The following CIMIP2C variants were observed in gnomAD, a reference collection of about 807,000 sequenced individuals.
CIMIP2C encodes ciliary microtubule inner protein 2C.
chr2:26,577,392 C>A, the CIMIP2C span: 1 of 880,638 alleles, frequency 1.1e-6, no homozygotes. Flanking sequence ...TCCGGGACTC[C>A]TCCGGGGGCA....
At chr2:26,576,784 C>T in the CIMIP2C span, among the ~76,000 whole-genome samples, 1 of 152,232 alleles carries the variant, frequency 6.6e-6, no homozygotes, top group African/African-American at 2.4e-5. Flanking sequence ...TGTTCTTGTC[C>T]TGCTGTTCAG....
At chr2:26,577,703 C>A in the CIMIP2C span, 1 of 1,022,114 alleles carries the variant, frequency 9.8e-7, no homozygotes, top group Non-Finnish European at 1.5e-6. Flanking sequence ...GCCAGGCATG[C>A]ACAGCACACA....
the CIMIP2C span, among the ~76,000 whole-genome samples, chr2:26,568,876 C>T: frequency 2.0e-4 from 31 of 152,040 alleles, no homozygotes; most frequent in Non-Finnish European, 4.6e-4. Context: ...CAAAAATTAG[C>T]TGGGCATAGT....
At chr2:26,579,146 A>G in the CIMIP2C span, 1 of 830,036 alleles carries the variant, frequency 1.2e-6, no homozygotes, top group South Asian at 1.7e-5. Context: ...TCCCACCCCA[A>G]GTCCAGGGGG....
At chr2:26,563,729 A>G in the CIMIP2C span, among the ~76,000 whole-genome samples, 2 of 152,216 alleles carry the variant, frequency 1.3e-5, no homozygotes, top group Non-Finnish European at 2.9e-5. Context: ...AACATGAAGA[A>G]AAGTGTATTT....
the CIMIP2C span, among the ~76,000 whole-genome samples, chr2:26,570,980 C>T: frequency 1.3e-5 from 2 of 152,082 alleles, no homozygotes; most frequent in Non-Finnish European, 2.9e-5. Flanking sequence ...CATCAAGTCC[C>T]AGTTTCTGGC....
the CIMIP2C span, among the ~76,000 whole-genome samples, chr2:26,566,035 C>T: frequency 6.6e-6 from 1 of 152,208 alleles, no homozygotes; most frequent in Non-Finnish European, 1.5e-5. Context: ...TGAGATTGGC[C>T]TCAGTGAGGA....
the CIMIP2C span, chr2:26,577,395 C>A: frequency 3.3e-6 from 3 of 897,000 alleles, no homozygotes; most frequent in Non-Finnish European, 3.5e-6. Context: ...GGGACTCCTC[C>A]GGGGGCATTA....
chr2:26,574,984 G>A, the CIMIP2C span, among the ~76,000 whole-genome samples: 3 of 152,256 alleles, frequency 2.0e-5, no homozygotes, highest in African/African-American at 4.8e-5. Flanking sequence ...CATTGGCCGC[G>A]AGTCTGGCGC....
the CIMIP2C span, among the ~76,000 whole-genome samples, chr2:26,569,300 T>G: frequency 6.6e-6 from 1 of 152,148 alleles, no homozygotes; most frequent in South Asian, 2.1e-4. Flanking sequence ...GCAAATAGCC[T>G]CTTCAGCTGG....
chr2:26,562,658 G>A, the CIMIP2C span: 1 of 1,583,586 alleles, frequency 6.3e-7, no homozygotes, highest in Non-Finnish European at 8.6e-7. Context: ...GTTCAATGCC[G>A]CCTACGTGCC....
chr2:26,566,181 G>A, the CIMIP2C span, among the ~76,000 whole-genome samples: 4 of 152,202 alleles, frequency 2.6e-5, no homozygotes, highest in Admixed American at 1.3e-4. Context: ...CTGCCACTGC[G>A]CCCCATGCCC....
chr2:26,567,687 T>TG, the CIMIP2C span, among the ~76,000 whole-genome samples: 1 of 152,146 alleles, frequency 6.6e-6, no homozygotes, highest in Non-Finnish European at 1.5e-5. Context: ...CAGTGCATCT[T>TG]GGGGTATGAA....
the CIMIP2C span, among the ~76,000 whole-genome samples, chr2:26,566,669 T>A: frequency 6.6e-6 from 1 of 152,164 alleles, no homozygotes; most frequent in Admixed American, 6.5e-5. Flanking sequence ...GATAGTAACG[T>A]GGCAAAATAA....
the CIMIP2C span, chr2:26,577,926 G>C: frequency 2.5e-6 from 1 of 396,996 alleles, no homozygotes; most frequent in Non-Finnish European, 4.5e-6. Flanking sequence ...CTGATGCCCC[G>C]CCTGCAAAGG....
At chr2:26,576,206 C>G in the CIMIP2C span, 1 of 1,589,492 alleles carries the variant, frequency 6.3e-7, no homozygotes, top group Non-Finnish European at 8.6e-7. Flanking sequence ...CTGTGGCCTC[C>G]CCTCCTGCCC....
chr2:26,575,632 C>G, the CIMIP2C span, among the ~76,000 whole-genome samples: 2 of 152,086 alleles, frequency 1.3e-5, no homozygotes, highest in Non-Finnish European at 2.9e-5. Flanking sequence ...CTCTTAGGGC[C>G]AAAGATGGCC....
chr2:26,569,016 CA>C, the CIMIP2C span, among the ~76,000 whole-genome samples: 33,064 of 131,560 alleles, frequency 0.25, 3,651 homozygotes, highest in African/African-American at 0.28. Flanking sequence ...GACTCAGTCT[CA>C]AAAAAAAAAA....
the CIMIP2C span, chr2:26,579,383 G>A: frequency 6.2e-7 from 1 of 1,614,020 alleles, no homozygotes; most frequent in Non-Finnish European, 8.5e-7. Context: ...TCAGGGAAGA[G>A]GGTCTCTCCA....
Sources: allele counts gnomAD v4.1 joint callset (sites outside exome capture counted in the v4.1 genomes callset), GRCh38; gene constraint gnomAD v4.1.1; transcripts MANE v1.5; gene names NCBI Gene and HGNC (gene_info 2026-07-23, HGNC 2026-07-21).